PRMT8: variants seen among roughly 807,000 people sequenced by gnomAD.
PRMT8 encodes the protein protein arginine N-methyltransferase 8.
Under a neutral mutation model 47.1 loss-of-function variants are expected in PRMT8, and 7 were observed. That is an observed-to-expected ratio of 0.15 (90% CI 0.08 to 0.28). The LOEUF (loss-of-function observed/expected upper bound fraction) is 0.28, where lower values mean the gene tolerates loss of function less well. PRMT8 is among the 10% of genes least tolerant of loss of function. The pLI is 1.00. For missense variants in PRMT8, 237 were observed against 505.4 expected (o/e 0.47, Z 5.09); for synonymous variants, 188 against 186.5 (o/e 1.01, Z -0.07).
chr12:3,450,103 A>G (rs1056815339), intron 1 of PRMT8, among the ~76,000 whole-genome samples: 2 of 152,232 alleles, frequency 1.3e-5, no homozygotes, highest in African/African-American at 4.8e-5. Context: ...AGCCTTACAT[A>G]GATAGATAGT....
At chr12:3,455,881 AC>A (rs763410933) in intron 1 of PRMT8, among the ~76,000 whole-genome samples, 8 of 152,144 alleles carry the variant, frequency 5.3e-5, no homozygotes, top group Non-Finnish European at 1.5e-5. Flanking sequence ...CCCCTCAGTG[AC>A]ACCATAGGTG....
chr12:3,464,475 G>A (rs1005276030), intron 1 of PRMT8, among the ~76,000 whole-genome samples: 2 of 152,094 alleles, frequency 1.3e-5, no homozygotes, highest in African/African-American at 4.8e-5. Context: ...TCTCTCCTCA[G>A]TAGTAGTTGG....
chr12:3,569,909 G>A lies in PRMT8; in HGVS notation c.712+345G>A, dbSNP rs1391337669. On this transcript the variant is annotated intron_variant, in intron 6 of 9. Coordinates refer to ENST00000382622, the MANE Select transcript of PRMT8 (RefSeq NM_019854.5). This position sits in a 1 kb window ranked among gnomAD's most constrained non-coding sequence, Gnocchi z 8.2. ...CTTGAAACCTGTCAAGGTTCAGTTA[G>A]CCCAAAAGTCCACCGCAGGGGTCTG... 6.6e-6 allele frequency among the ~76,000 whole-genome samples: 1 copy of A among 152,212 alleles called. No individual in the cohort carries two copies. The highest frequency in any genetic ancestry group is 1.5e-5 in the Non-Finnish European group (1 of 68,036).
In PRMT8 at chr12:3,593,183, C is replaced by A. The variant is rs751230364; in HGVS notation, c.*1C>A. The A allele has an allele frequency of 1.2e-6, 2 of 1,612,564 alleles. No individual in the cohort carries two copies. The highest frequency in any genetic ancestry group is 2.2e-5 in the South Asian group (2 of 90,918). Reference sequence around the variant, plus strand: ...ATCTAATGACTACAAAATGCGTTAGCACACGTGGGAAGCTGCAGAGAGCAA... The same window carrying A: ...ATCTAATGACTACAAAATGCGTTAGAACACGTGGGAAGCTGCAGAGAGCAA... On this transcript the variant is annotated 3_prime_UTR_variant, in exon 10 of 10. Transcript: ENST00000382622. This position sits in a 1 kb window ranked among gnomAD's most constrained non-coding sequence, Gnocchi z 4.8.
At chr12:3,567,612 C>T (rs546697886) in intron 4 of PRMT8, among the ~76,000 whole-genome samples, 7 of 152,194 alleles carry the variant, frequency 4.6e-5, no homozygotes, top group South Asian at 2.1e-4. Flanking sequence ...CTCTAAGCCT[C>T]GGTTTCCTTA....
At position 3,552,847 on chromosome 12, in the gene PRMT8, C is replaced by T. The variant is rs1397588670; in HGVS notation, c.418-804C>T. On this transcript the variant is annotated intron_variant, in intron 3 of 9. Coordinates refer to ENST00000382622, the MANE Select transcript of PRMT8 (RefSeq NM_019854.5). This position sits in a 1 kb window ranked among gnomAD's most constrained non-coding sequence, Gnocchi z 4.5. Reference sequence around the variant, plus strand: ...CCCAAGTGTGGAGGTGAGTAGAGCCCAGGGCCTTAGCACAGGCCAGCCTCT... The same window carrying T: ...CCCAAGTGTGGAGGTGAGTAGAGCCTAGGGCCTTAGCACAGGCCAGCCTCT... 2 of 452,998 alleles carry T rather than the reference C, an allele frequency of 4.4e-6. No homozygotes were observed. Among genetic ancestry groups the T allele is most frequent in the Non-Finnish European group, 8.8e-6 (2 of 226,538 alleles). 28.1% of individuals were successfully genotyped at this position (452,998 alleles called of 1,614,324 possible). A position where few individuals can be genotyped will look rare whatever the true frequency, so the allele number is the denominator to read the frequency against.
upstream of PRMT8, among the ~76,000 whole-genome samples, chr12:3,490,959 T>C (rs905415889): frequency 1.5e-4 from 23 of 152,118 alleles, no homozygotes; most frequent in East Asian, 3.5e-3. Context: ...TCTGAGAACC[T>C]GCAAGAGCCT....
intron 1 of PRMT8, among the ~76,000 whole-genome samples, chr12:3,520,286 C>G (rs1261843758): frequency 6.6e-6 from 1 of 152,240 alleles, no homozygotes; most frequent in African/African-American, 2.4e-5. Context: ...GAGAGTGAAG[C>G]CAGGGATGCC....
intron 1 of PRMT8, among the ~76,000 whole-genome samples, chr12:3,447,085 T>C (rs2335985): frequency 0.5 from 76,571 of 151,920 alleles, 23,259 homozygotes; most frequent in East Asian, 0.8. Flanking sequence ...CCCACAGTGA[T>C]CACTCTGGGC....
chr12:3,518,760 T>C (rs1865833708), intron 1 of PRMT8, among the ~76,000 whole-genome samples: 2 of 151,964 alleles, frequency 1.3e-5, no homozygotes, highest in African/African-American at 4.8e-5. Context: ...GCATTCAAAA[T>C]CCAACAAGAA....
At position 3,506,981 on chromosome 12, in the gene PRMT8, G is replaced by A. The variant is rs150647354; in HGVS notation, c.75+15281G>A. On this transcript the variant is annotated intron_variant, in intron 1 of 9. Coordinates refer to ENST00000382622, the MANE Select transcript of PRMT8 (RefSeq NM_019854.5). ...ATCCTGCAGAATATAAGCTGTGTGA[G>A]TGGTACAGCTAAGGCCAAATTGGGC... Among the ~76,000 whole-genome samples, 12 of 152,302 alleles carry A rather than the reference G, an allele frequency of 7.9e-5. No individual in the cohort carries two copies. The East Asian group carries it at 2.3e-3, about 29-fold the overall frequency.
At chr12:3,540,559 G>C (rs1471028376) in intron 1 of PRMT8, 47 bp from the exon 2 acceptor site, 3 of 1,306,296 alleles carry the variant, frequency 2.3e-6, no homozygotes, top group Non-Finnish European at 3.3e-6. Flanking sequence ...CCGAGGGCGG[G>C]ACCCCGTTGT....
chr12:3,552,627 C>A lies in PRMT8; in HGVS notation c.418-1024C>A, dbSNP rs1301524805. The A allele has an allele frequency of 2.4e-6, 1 of 420,496 alleles. No individual in the cohort carries two copies. Among genetic ancestry groups the A allele is most frequent in the African/African-American group, 2.0e-5 (1 of 49,260 alleles). The allele number at this position is 420,496 out of a possible 1,614,324, so 26.0% of individuals were successfully genotyped here. A position where few individuals can be genotyped will look rare whatever the true frequency, so the allele number is the denominator to read the frequency against. ...GGCAGCCCAGGAAAGGGCTGGTTCT[C>A]CTGGGACCTGCACCCTGGCTGGAGT... is the stretch of plus-strand genomic sequence containing the variant. On this transcript the variant is annotated intron_variant, in intron 3 of 9. Transcript: ENST00000382622. The surrounding 1 kb of genome is among the most constrained non-coding windows in gnomAD (Gnocchi z 4.5).
At chr12:3,588,824 A>T (rs900070673) in intron 8 of PRMT8, among the ~76,000 whole-genome samples, 1 of 152,226 alleles carries the variant, frequency 6.6e-6, no homozygotes, top group African/African-American at 2.4e-5. Context: ...GCAGGGAGGC[A>T]TCTTCAGAAT....
At chr12:3,479,342 C>T (rs964734565) in intron 1 of PRMT8, among the ~76,000 whole-genome samples, 1 of 152,198 alleles carries the variant, frequency 6.6e-6, no homozygotes, top group Non-Finnish European at 1.5e-5. Flanking sequence ...TTGGCTTTTC[C>T]GCCATTGCCC....
chr12:3,475,356 T>G (rs1865201721), intron 1 of PRMT8, among the ~76,000 whole-genome samples: 1 of 152,210 alleles, frequency 6.6e-6, no homozygotes, highest in Non-Finnish European at 1.5e-5. Flanking sequence ...CGTGGACATT[T>G]GCCCCAGGGA....
chr12:3,416,915 A>G (rs572891903), intron 1 of PRMT8, among the ~76,000 whole-genome samples: 10 of 152,354 alleles, frequency 6.6e-5, no homozygotes, highest in African/African-American at 2.4e-4. Flanking sequence ...GAACAGAAAT[A>G]TGAGTTTGGG....
intron 1 of PRMT8, among the ~76,000 whole-genome samples, chr12:3,476,603 G>A (rs1204717944): frequency 6.6e-6 from 1 of 152,030 alleles, no homozygotes; most frequent in Admixed American, 6.5e-5. Flanking sequence ...TTTGCTCGTC[G>A]CTCTGCAGAA....
chr12:3,382,460 G>A (rs890630613), intron 1 of PRMT8, among the ~76,000 whole-genome samples: 4 of 152,138 alleles, frequency 2.6e-5, no homozygotes, highest in African/African-American at 9.7e-5. Context: ...GCTTAAATTT[G>A]CATTTTCCTA....
Sources: allele counts gnomAD v4.1 joint callset (sites outside exome capture counted in the v4.1 genomes callset), GRCh38; gene constraint gnomAD v4.1.1; non-coding constraint Gnocchi (gnomAD v3.1); transcripts MANE v1.5; gene names NCBI Gene and HGNC (gene_info 2026-07-23, HGNC 2026-07-21).